The following ABCA13 variants were observed in gnomAD, a reference collection of about 807,000 sequenced individuals.
The protein encoded by ABCA13 is ATP binding cassette subfamily A member 13, also known as ATP-binding cassette sub-family A member 13.
In ABCA13, 476 loss-of-function variants were observed where a neutral mutation model predicts 478.7. That is an observed-to-expected ratio of 0.99 (90% confidence interval 0.92 to 1.07). The LOEUF (loss-of-function observed/expected upper bound fraction) is 1.07. Among genes scored for constraint, ABCA13 ranks in the 50% least tolerant of loss-of-function variants. The pLI is 0.00. For missense variants in ABCA13, 6,060 were observed against 5,910.6 expected (o/e 1.03, Z -0.83); for synonymous variants, 2,252 against 2,158.9 (o/e 1.04, Z -1.20).
intron 29 of ABCA13, among the ~76,000 whole-genome samples, chr7:48,348,260 G>A (rs1251690778): frequency 6.6e-6 from 1 of 152,194 alleles, no homozygotes; most frequent in Non-Finnish European, 1.5e-5. Context: ...GGAACTCTGA[G>A]ATGCTGTGTC....
intron 5 of ABCA13, among the ~76,000 whole-genome samples, chr7:48,225,188 C>CCTTG: frequency 6.7e-6 from 1 of 149,310 alleles, no homozygotes; most frequent in Non-Finnish European, 1.5e-5. Flanking sequence ...TTCCTTCCTT[C>CCTTG]CTTCTTTGCT....
At chr7:48,641,563 T>A (rs1795102567) in intron 59 of ABCA13, among the ~76,000 whole-genome samples, 1 of 152,218 alleles carries the variant, frequency 6.6e-6, no homozygotes, top group Admixed American at 6.5e-5. Flanking sequence ...TTACCAGACT[T>A]TCCAGGGTCA....
At chr7:48,524,461 A>G in intron 54 of ABCA13, 21 bp downstream of exon 54, 1 of 1,589,626 alleles carries the variant, frequency 6.3e-7, no homozygotes, top group Non-Finnish European at 8.6e-7. Context: ...TTCTATTTTT[A>G]ATCTTCTTCT....
chr7:48,581,890 A>G (rs1788744442), intron 56 of ABCA13, among the ~76,000 whole-genome samples: 1 of 152,142 alleles, frequency 6.6e-6, no homozygotes, highest in Non-Finnish European at 1.5e-5. Flanking sequence ...TCTTTTCTAT[A>G]TATTTTGGGA....
chr7:48,181,208 A>G lies in ABCA13; in HGVS notation c.69+9656A>G, dbSNP rs140872161. ...GCTTATTTGGTTTTCTATTTTAAGG[A>G]GTTAGTGTAAGAATGAATTTTTTTC... On this transcript the variant is annotated intron_variant, in intron 1 of 61. Coordinates refer to ENST00000435803, the MANE Select transcript of ABCA13 (RefSeq NM_152701.5). Among the ~76,000 whole-genome samples, 691 of 152,202 alleles carry G rather than the reference A, an allele frequency of 4.5e-3. 4 individuals are homozygous for G. Among genetic ancestry groups the G allele is most frequent in the African/African-American group, 0.016 (659 of 41,544 alleles).
rs548381765 is a variant in ABCA13, at chr7:48,590,631, A to C, written c.14640+3343A>C. 5.3e-5 allele frequency among the ~76,000 whole-genome samples: 8 copies of C among 152,212 alleles called. No individual in the cohort carries two copies. The South Asian group carries it at 1.7e-3, about 32-fold the overall frequency. On this transcript the variant is annotated intron_variant, in intron 57 of 61. Coordinates refer to ENST00000435803, the MANE Select transcript of ABCA13 (RefSeq NM_152701.5). ...TGTATAAGGGTTCACTTTTCTCCGAATCCTTGCCATTGCTGGTTATCTTCT... is the reference window on the plus strand; with the variant it reads ...TGTATAAGGGTTCACTTTTCTCCGACTCCTTGCCATTGCTGGTTATCTTCT...
In ABCA13 at chr7:48,520,236, G is replaced by A. The variant is rs950093068; in HGVS notation, c.13993G>A (p.Gly4665Ser). ...GWIFVQLASQ[G>S]TVLLLLRVLL... is the part of the protein sequence containing the mutation. Reference sequence around the variant, plus strand: ...GATCTTCGTGCAACTGGCCTCGCAGGGCACAGTACTTCTCCTCTTGAGGGT... The same window carrying A: ...GATCTTCGTGCAACTGGCCTCGCAGAGCACAGTACTTCTCCTCTTGAGGGT... Residue 4665 changes from glycine (G) to serine (S), a missense_variant, in exon 53 of 62, where the codon GGC becomes AGC. Gly to Ser is a moderately conservative substitution (Grantham distance 56). This residue lies in a region of ABCA13 where 1,627 missense variants were observed against 1,571.0 expected (regional missense o/e 1.04). Transcript: ENST00000435803. 12 of 1,613,432 alleles carry A rather than the reference G, an allele frequency of 7.4e-6. No individual in the cohort carries two copies. The highest frequency in any genetic ancestry group is 1.3e-5 in the African/African-American group (1 of 74,872).
intron 42 of ABCA13, among the ~76,000 whole-genome samples, chr7:48,438,215 A>G (rs1022142377): frequency 7.2e-5 from 11 of 152,148 alleles, no homozygotes; most frequent in African/African-American, 2.7e-4. Flanking sequence ...TCAGGAATTG[A>G]GCCATTTCTT....
Position 48,244,654 on chromosome 7 carries a change from T to C in ABCA13, c.1341T>C (p.Leu447=). The change falls in exon 11 of 62, where the codon CTT becomes CTC. Residue 447 remains leucine, a synonymous_variant. Transcript: ENST00000435803. ...CGGCACTGAAGAGATTTCTTCAGCT[T>C]GATGGAGCTCTCAGAAATGCGATAG... ...QWPALKRFLQ[L]DGALRNAIAQ... 6.2e-7 allele frequency: 1 copy of C among 1,611,924 alleles called. No individual in the cohort carries two copies. The highest frequency in any genetic ancestry group is 8.5e-7 in the Non-Finnish European group (1 of 1,178,760).
chr7:48,189,736 C>T (rs958469893), intron 1 of ABCA13, among the ~76,000 whole-genome samples: 1 of 151,988 alleles, frequency 6.6e-6, no homozygotes, highest in Admixed American at 6.6e-5. Flanking sequence ...ATGATGTTGT[C>T]TTCATGTGAA....
At chr7:48,468,370 T>C (rs1052270535) in intron 44 of ABCA13, among the ~76,000 whole-genome samples, 3 of 152,204 alleles carry the variant, frequency 2.0e-5, no homozygotes, top group African/African-American at 7.2e-5. Context: ...TCCGTTCTTC[T>C]TCTACCTTCC....
intron 59 of ABCA13, among the ~76,000 whole-genome samples, chr7:48,642,005 G>A (rs575739608): frequency 2.0e-5 from 3 of 152,294 alleles, no homozygotes; most frequent in Admixed American, 2.0e-4. Flanking sequence ...AAATAGAAAT[G>A]TTAGAGAGGT....
chr7:48,226,598 T>C (rs17712049), intron 5 of ABCA13, among the ~76,000 whole-genome samples: 132,489 of 152,232 alleles, frequency 0.87, 57,823 homozygotes, highest in Non-Finnish European at 0.9. Context: ...CCAGCAACTG[T>C]GGAGCTTGGA....
At chr7:48,450,723 T>G (rs1240555454) in intron 42 of ABCA13, among the ~76,000 whole-genome samples, 5 of 152,248 alleles carry the variant, frequency 3.3e-5, no homozygotes, top group Non-Finnish European at 5.9e-5. Context: ...ACGCTGTTAA[T>G]ACTTGGGTCA....
At chr7:48,371,811 A>G (rs962235513) in intron 32 of ABCA13, among the ~76,000 whole-genome samples, 5 of 152,186 alleles carry the variant, frequency 3.3e-5, no homozygotes, top group African/African-American at 1.2e-4. Flanking sequence ...CCTGGCCAGA[A>G]CTTCCAATAC....
In ABCA13 at chr7:48,272,701, C is replaced by A. The variant is rs372455869; in HGVS notation, c.3035C>A (p.Ala1012Glu). The A allele has an allele frequency of 5.2e-5, 84 of 1,611,724 alleles. No individual in the cohort carries two copies. The highest frequency in any genetic ancestry group is 6.2e-5 in the Non-Finnish European group (73 of 1,178,694). Residue 1012 changes from alanine to glutamate, a missense_variant, in exon 17 of 62, where the codon GCA (alanine) becomes GAA (glutamate). Ala to Glu is a moderately radical substitution (Grantham distance 107, BLOSUM62 -1). This residue lies in a region of ABCA13 where 4,423 missense variants were observed against 4,309.1 expected (regional missense o/e 1.03). Coordinates refer to ENST00000435803, the MANE Select transcript of ABCA13 (RefSeq NM_152701.5). Reference protein sequence around the residue: ...FNFQNISKAFAFLFKTAEVLG... With the variant: ...FNFQNISKAFEFLFKTAEVLG... ...TTCCAAAACATCAGTAAAGCATTTG[C>A]ATTTTTATTTAAGACAGCAGAGGTT...
intron 38 of ABCA13, among the ~76,000 whole-genome samples, chr7:48,396,777 G>A (rs1340597533): frequency 6.6e-6 from 1 of 152,166 alleles, no homozygotes; most frequent in Non-Finnish European, 1.5e-5. Context: ...AACTTGGCAG[G>A]CAGGGCAGGT....
intron 2 of ABCA13, among the ~76,000 whole-genome samples, chr7:48,196,898 C>A (rs184780045): frequency 6.6e-6 from 1 of 152,238 alleles, no homozygotes; most frequent in Non-Finnish European, 1.5e-5. Flanking sequence ...TGTGCTGTGA[C>A]TGAGAGGGAC....
chr7:48,359,030 C>T (rs1810397718), intron 31 of ABCA13, among the ~76,000 whole-genome samples: 1 of 151,992 alleles, frequency 6.6e-6, no homozygotes, highest in African/African-American at 2.4e-5. Flanking sequence ...TTGACACTTG[C>T]TGGTTCGCAG....
Sources: allele counts gnomAD v4.1 joint callset (sites outside exome capture counted in the v4.1 genomes callset), GRCh38; gene constraint gnomAD v4.1.1; regional missense constraint gnomAD v4.1.1; transcripts MANE v1.5; gene names NCBI Gene and HGNC (gene_info 2026-07-23, HGNC 2026-07-21).